DNAH6: variants seen among roughly 807,000 people sequenced by gnomAD.
DNAH6 encodes the protein dynein axonemal heavy chain 6, also known as axonemal beta dynein heavy chain 6.
In DNAH6, 340 loss-of-function variants were observed where a neutral mutation model predicts 491.4. The observed-to-expected ratio is 0.69, with a 90% CI of 0.63 to 0.76. DNAH6 has a LOEUF of 0.76. DNAH6 is among the 30% of genes least tolerant of loss of function. DNAH6 has a pLI of 0.00. For missense variants in DNAH6, 4,443 were observed against 4,972.2 expected (o/e 0.89, Z 3.20); for synonymous variants, 1,603 against 1,686.1 (o/e 0.95, Z 1.21).
At chr2:84,763,444 G>C (rs1674780157) in intron 64 of DNAH6, among the ~76,000 whole-genome samples, 1 of 151,702 alleles carries the variant, frequency 6.6e-6, no homozygotes, top group Non-Finnish European at 1.5e-5. Flanking sequence ...TTTTTTTAAT[G>C]AAAGTTCAGT....
At chr2:84,539,741 A>G (rs937332126) in intron 4 of DNAH6, among the ~76,000 whole-genome samples, 15 of 152,182 alleles carry the variant, frequency 9.9e-5, no homozygotes, top group African/African-American at 3.1e-4. Flanking sequence ...CATTGACCAT[A>G]GAGCACTCTC....
intron 63 of DNAH6, among the ~76,000 whole-genome samples, chr2:84,756,183 T>C (rs1573714319): frequency 6.6e-6 from 1 of 152,214 alleles, no homozygotes; most frequent in Non-Finnish European, 1.5e-5. Context: ...ATTCCTAGTA[T>C]GTGGAGTGTT....
chr2:84,695,422 A>T (rs571090281), intron 46 of DNAH6, among the ~76,000 whole-genome samples: 1 of 152,254 alleles, frequency 6.6e-6, no homozygotes, highest in Admixed American at 6.5e-5. Context: ...ATAAATTAGC[A>T]AAATCTTTCT....
At chr2:84,665,193 A>G (rs1691969798) in intron 37 of DNAH6, among the ~76,000 whole-genome samples, 1 of 151,892 alleles carries the variant, frequency 6.6e-6, no homozygotes, top group Non-Finnish European at 1.5e-5. Context: ...AAAGAACTAG[A>G]GAAGCAAGAG....
In DNAH6 at chr2:84,805,799, T is replaced by A; in HGVS notation, c.11611+5T>A. The A allele has an allele frequency of 6.5e-7, 1 of 1,547,702 alleles. No homozygotes were observed. Among genetic ancestry groups the A allele is most frequent in the Non-Finnish European group, 8.7e-7 (1 of 1,145,546 alleles). On this transcript the variant is annotated splice_donor_5th_base_variant and intron_variant, in intron 71 of 76. Coordinates refer to ENST00000389394, the MANE Select transcript of DNAH6 (RefSeq NM_001370.2). ...CTGTCCAGACCAGAGTTCCAGGTAATAAATAATTCTAGGAATCTGTATGTA... is the reference window on the plus strand; with the variant it reads ...CTGTCCAGACCAGAGTTCCAGGTAAAAAATAATTCTAGGAATCTGTATGTA...
At chr2:84,811,341 A>G (rs756030004) in intron 72 of DNAH6, among the ~76,000 whole-genome samples, 15 of 152,200 alleles carry the variant, frequency 9.9e-5, no homozygotes, top group Admixed American at 2.6e-4. Context: ...AGTTTTCACA[A>G]CACTGCGACC....
At chr2:84,562,536 A>G (rs903623996) in intron 11 of DNAH6, among the ~76,000 whole-genome samples, 7 of 152,206 alleles carry the variant, frequency 4.6e-5, no homozygotes, top group Admixed American at 1.3e-4. Flanking sequence ...CCTATGAGTC[A>G]TGGATCCTTA....
In DNAH6 at chr2:84,744,663, C is replaced by T. The variant is rs183553873; in HGVS notation, c.10343-417C>T. On this transcript the variant is annotated intron_variant, in intron 62 of 76. Coordinates refer to ENST00000389394, the MANE Select transcript of DNAH6 (RefSeq NM_001370.2). ...ATTTTTATGCTATTTTCTGGCTCAC[C>T]TGGGTTCATTTTATTATGTTTTTAT... is the stretch of plus-strand genomic sequence containing the variant. 3.3e-5 allele frequency among the ~76,000 whole-genome samples: 5 copies of T among 152,134 alleles called. No individual in the cohort carries two copies. In the East Asian group the frequency reaches 9.6e-4, roughly 29 times the overall value.
chr2:84,766,763 G>A (rs558636857), intron 64 of DNAH6, among the ~76,000 whole-genome samples: 3 of 152,294 alleles, frequency 2.0e-5, no homozygotes, highest in Admixed American at 2.0e-4. Context: ...ACCAGAGGAG[G>A]AGGCTAAGGG....
Position 84,650,500 on chromosome 2 carries a change from A to ATT in DNAH6, c.5079-2808_5079-2807dup, listed in dbSNP as rs200567664. On this transcript the variant is annotated intron_variant, in intron 33 of 76. Transcript: ENST00000389394. The stretch of plus-strand genomic sequence containing the variant: ...CTAAAATTTCTAATAGGCTCTCTGT[A>ATT]TTTTTTTTTTTTGGCTGAGATGTCC... Among the ~76,000 whole-genome samples, 83 of 140,306 alleles carry ATT rather than the reference A, an allele frequency of 5.9e-4. 1 individual carries two copies. The highest frequency in any genetic ancestry group is 1.7e-3 in the African/African-American group (65 of 39,084). 92.0% of individuals were successfully genotyped at this position (140,306 alleles called of 152,430 possible).
chr2:84,571,049 T>G (rs1681795015), intron 11 of DNAH6, among the ~76,000 whole-genome samples: 1 of 152,140 alleles, frequency 6.6e-6, no homozygotes, highest in South Asian at 2.1e-4. Flanking sequence ...AGGAACCAAT[T>G]CTGGACACGC....
intron 50 of DNAH6, 113 bp downstream of exon 50, chr2:84,703,675 TGATA>T (rs1696152454): frequency 2.9e-6 from 3 of 1,044,920 alleles, no homozygotes; most frequent in Non-Finnish European, 3.9e-6. Context: ...AATAATTAAG[TGATA>T]GATTTAGCAA....
intron 71 of DNAH6, among the ~76,000 whole-genome samples, chr2:84,808,129 ATATGTG>A (rs200962141): frequency 0.025 from 3,099 of 122,134 alleles, 99 homozygotes; most frequent in African/African-American, 0.084. Context: ...AAGTGTATAT[ATATGTG>A]TGTGTGTGTG....
intron 1 of DNAH6, among the ~76,000 whole-genome samples, chr2:84,517,609 G>A (rs1021219952): frequency 6.6e-5 from 10 of 152,082 alleles, no homozygotes; most frequent in African/African-American, 1.9e-4. Context: ...TAGCTACAGG[G>A]GTTCTTGAAG....
At chr2:84,533,967 G>A (rs2104471840) in intron 4 of DNAH6, among the ~76,000 whole-genome samples, 1 of 152,172 alleles carries the variant, frequency 6.6e-6, no homozygotes, top group South Asian at 2.1e-4. Context: ...GGGAAAAGGA[G>A]CTAGCTGTGT....
At chr2:84,605,352 C>A (rs869081682) in intron 19 of DNAH6, 148 bp from the exon 20 acceptor site, 79 of 337,260 alleles carry the variant, frequency 2.3e-4, no homozygotes, top group African/African-American at 1.2e-3. Flanking sequence ...GACTCTATCT[C>A]AAAAAAAAAA....
chr2:84,488,748 G>A, the DNAH6 span, among the ~76,000 whole-genome samples: 7 of 152,178 alleles, frequency 4.6e-5, no homozygotes, highest in Non-Finnish European at 1.0e-4. Flanking sequence ...CTTTTGCCAT[G>A]TAAGGAGACA....
the DNAH6 span, among the ~76,000 whole-genome samples, chr2:84,467,618 TACA>T: frequency 2.0e-5 from 3 of 152,238 alleles, no homozygotes; most frequent in East Asian, 1.9e-4. Flanking sequence ...CTTTGAATTG[TACA>T]ACATTTCTTG....
chr2:84,544,539 CA>C (rs1558689207), intron 5 of DNAH6, 39 bp downstream of exon 5: 3 of 1,167,288 alleles, frequency 2.6e-6, no homozygotes, highest in Admixed American at 5.2e-5. Context: ...TAATTACTTA[CA>C]AAAAAAGAAA....
Sources: gnomAD v4.1 joint callset for allele counts (sites outside exome capture counted in the v4.1 genomes callset) on GRCh38, gnomAD v4.1.1 for gene constraint, MANE v1.5 for transcripts, NCBI Gene and HGNC (gene_info 2026-07-23, HGNC 2026-07-21) for gene names.